Variants in KIF3B observed in about 807,000 individuals in gnomAD.
KIF3B encodes kinesin family member 3B.
In KIF3B, 38 loss-of-function variants were observed where a neutral mutation model predicts 74.3. That is an observed-to-expected ratio of 0.51 (90% confidence interval 0.39 to 0.67). The LOEUF (loss-of-function observed/expected upper bound fraction) is 0.67, where lower values mean the gene tolerates loss of function less well. Among genes scored for constraint, KIF3B ranks in the 30% least tolerant of loss-of-function variants. KIF3B has a pLI of 0.00. For missense variants in KIF3B, 649 were observed against 932.0 expected (o/e 0.70, Z 3.95); for synonymous variants, 326 against 342.5 (o/e 0.95, Z 0.53).
intron 1 of KIF3B, among the ~76,000 whole-genome samples, chr20:32,300,488 C>G (rs2047738260): frequency 6.6e-6 from 1 of 152,118 alleles, no homozygotes; most frequent in African/African-American, 2.4e-5. Context: ...ACCGCGTTAG[C>G]CACAATAGTC....
At chr20:32,316,190 G>A (rs1247306348) in intron 2 of KIF3B, 28 bp from the exon 3 acceptor site, 1 of 1,262,042 alleles carries the variant, frequency 7.9e-7, no homozygotes, top group South Asian at 1.2e-5. Flanking sequence ...CCGTTCATGA[G>A]ATGGATTCTA....
At chr20:32,281,011 C>G (rs752877338) in intron 1 of KIF3B, among the ~76,000 whole-genome samples, 1 of 152,148 alleles carries the variant, frequency 6.6e-6, no homozygotes, top group Non-Finnish European at 1.5e-5. Flanking sequence ...TGTTAGGTGC[C>G]TGGATTAGAA....
intron 1 of KIF3B, among the ~76,000 whole-genome samples, chr20:32,306,163 G>A (rs890043744): frequency 6.6e-6 from 1 of 151,508 alleles, no homozygotes; most frequent in Non-Finnish European, 1.5e-5. Flanking sequence ...GGGAGGCCGA[G>A]GCAGGCCAGT....
intron 1 of KIF3B, among the ~76,000 whole-genome samples, chr20:32,304,848 T>TA (rs57994508): frequency 0.027 from 3,917 of 145,924 alleles, 153 homozygotes; most frequent in African/African-American, 0.089. Flanking sequence ...AGCCTTTTGA[T>TA]AAAAAAAAAC....
intron 1 of KIF3B, among the ~76,000 whole-genome samples, chr20:32,289,283 C>T (rs1352715325): frequency 1.3e-5 from 2 of 151,282 alleles, no homozygotes; most frequent in African/African-American, 4.9e-5. Flanking sequence ...CAACCTCTGC[C>T]TCCTGGGTTC....
intron 1 of KIF3B, among the ~76,000 whole-genome samples, chr20:32,282,730 G>T (rs6087862): frequency 0.27 from 40,365 of 152,038 alleles, 6,783 homozygotes; most frequent in African/African-American, 0.48. Context: ...GGAATCACTA[G>T]TGAAGTTCAC....
chr20:32,328,846 C>A (rs2047916614), intron 7 of KIF3B, among the ~76,000 whole-genome samples: 1 of 152,012 alleles, frequency 6.6e-6, no homozygotes, highest in Admixed American at 6.6e-5. Flanking sequence ...TATTTAATGA[C>A]CCCAAAATAG....
In KIF3B at chr20:32,311,160, G is replaced by A. The variant is rs1167216226; in HGVS notation, c.1383G>A (p.Glu461=). 2 of 1,610,270 alleles carry A rather than the reference G, an allele frequency of 1.2e-6. No homozygotes were observed. Among genetic ancestry groups the A allele is most frequent in the Non-Finnish European group, 1.7e-6 (2 of 1,178,500 alleles). The change falls in exon 2 of 9, where the codon GAG becomes GAA. Residue 461 remains glutamate (E), a synonymous_variant. Coordinates refer to ENST00000375712, the MANE Select transcript of KIF3B (RefSeq NM_004798.4). ...EDLRREKDAA[E]MLGAKIKAME... ...TGCGGCGGGAGAAGGATGCTGCCGA[G>A]ATGCTGGGCGCCAAGATCAAGGTAC...
chr20:32,313,443 G>GT (rs922434363), intron 2 of KIF3B, among the ~76,000 whole-genome samples: 1 of 152,054 alleles, frequency 6.6e-6, no homozygotes, highest in Non-Finnish European at 1.5e-5. Flanking sequence ...AAGCTGTACT[G>GT]TTTTTTTGTT....
At chr20:32,312,046 G>T (rs2047803272) in intron 2 of KIF3B, among the ~76,000 whole-genome samples, 1 of 151,096 alleles carries the variant, frequency 6.6e-6, no homozygotes, top group Non-Finnish European at 1.5e-5. Flanking sequence ...CAGGTAATCT[G>T]CCTGTCTCAG....
chr20:32,291,823 G>A (rs2047692727), intron 1 of KIF3B, among the ~76,000 whole-genome samples: 2 of 151,992 alleles, frequency 1.3e-5, no homozygotes, highest in South Asian at 4.2e-4. Flanking sequence ...CACCATGTTA[G>A]CTAGGCTGGT....
chr20:32,326,265 C>T (rs1569210406), intron 5 of KIF3B, among the ~76,000 whole-genome samples: 1 of 152,144 alleles, frequency 6.6e-6, no homozygotes, highest in African/African-American at 2.4e-5. Flanking sequence ...CTTAGTCCTG[C>T]TTTTTATCCT....
Position 32,309,921 on chromosome 20 carries a change from G to C in KIF3B, c.144G>C (p.Gly48=), listed in dbSNP as rs191975617. 2.2e-5 allele frequency: 36 copies of C among 1,614,188 alleles called. No homozygotes were observed. The Admixed American group carries it at 5.2e-4, about 23-fold the overall frequency. The stretch of plus-strand genomic sequence containing the variant: ...AGGTGTCTGTGAAGAACCCCAAAGG[G>C]ACGGCCCATGAAATGCCCAAGACCT... The part of the protein sequence containing the change: ...LGQVSVKNPK[G]TAHEMPKTFT... Residue 48 remains glycine (G), a synonymous_variant, in exon 2 of 9, where the codon GGG becomes GGC. Transcript: ENST00000375712.
chr20:32,301,935 TAA>T (rs2047746198), intron 1 of KIF3B, among the ~76,000 whole-genome samples: 1 of 152,212 alleles, frequency 6.6e-6, no homozygotes, highest in South Asian at 2.1e-4. Context: ...CCTCAGCAGA[TAA>T]AAGAGTTGAG....
chr20:32,308,962 G>A (rs1182539638), intron 1 of KIF3B, among the ~76,000 whole-genome samples: 2 of 149,956 alleles, frequency 1.3e-5, no homozygotes, highest in African/African-American at 2.5e-5. Context: ...TGATCCACCC[G>A]CCTCGGCCTC....
intron 5 of KIF3B, among the ~76,000 whole-genome samples, chr20:32,322,642 ATATATATTTT>A (rs1379585489): frequency 2.7e-5 from 2 of 72,934 alleles, no homozygotes; most frequent in African/African-American, 6.2e-5. Flanking sequence ...ATATATTTAT[ATATATATTTT>A]TATATATTTA....
rs78836013 is a variant in KIF3B at position 32,305,426 on chromosome 20, C to T, written c.-65-4287C>T. Among the ~76,000 whole-genome samples the T allele has an allele frequency of 6.2e-3, 944 of 152,032 alleles. 13 individuals are homozygous for T. Among genetic ancestry groups the T allele is most frequent in the African/African-American group, 0.022 (907 of 41,470 alleles). On this transcript the variant is annotated intron_variant, in intron 1 of 8. Transcript: ENST00000375712. ...AGGAGTTTGGGGTCCTCATATATAC[C>T]GGTAAAGTACTCTGACCTGCTTACT... is the stretch of plus-strand genomic sequence containing the variant.
chr20:32,288,687 G>A (rs2122658675), intron 1 of KIF3B, among the ~76,000 whole-genome samples: 3 of 151,892 alleles, frequency 2.0e-5, no homozygotes, highest in Middle Eastern at 3.4e-3. Context: ...CTGTTTATTG[G>A]CAACATTAAC....
At chr20:32,329,443 C>T (rs546105544) in intron 7 of KIF3B, among the ~76,000 whole-genome samples, 1 of 151,260 alleles carries the variant, frequency 6.6e-6, no homozygotes, top group Non-Finnish European at 1.5e-5. Context: ...TCAGACTCCT[C>T]GGCTCAAGTG....
Sources: allele counts gnomAD v4.1 joint callset (sites outside exome capture counted in the v4.1 genomes callset), GRCh38; gene constraint gnomAD v4.1.1; transcripts MANE v1.5; gene names NCBI Gene and HGNC (gene_info 2026-07-23, HGNC 2026-07-21).